PSTPIP1: variants seen among roughly 807,000 people sequenced by gnomAD.
PSTPIP1 encodes the protein proline-serine-threonine phosphatase interacting protein 1, also known as proline-serine-threonine phosphatase-interacting protein 1.
In PSTPIP1, 66 loss-of-function variants were observed where a neutral mutation model predicts 69.6. The observed-to-expected ratio is 0.95, with a 90% confidence interval of 0.78 to 1.16. The LOEUF is 1.16. Ranked by LOEUF, PSTPIP1 falls within the 50% of genes most tolerant of loss-of-function variation. The pLI, the probability that PSTPIP1 is intolerant of heterozygous loss-of-function variation, is 0.00. For missense variants in PSTPIP1, 603 were observed against 557.4 expected (o/e 1.08, Z -0.82); for synonymous variants, 266 against 222.7 (o/e 1.19, Z -1.73).
chr15:77,036,217 C>T (rs893602496), intron 14 of PSTPIP1, among the ~76,000 whole-genome samples: 2 of 152,140 alleles, frequency 1.3e-5, no homozygotes, highest in African/African-American at 4.8e-5. Flanking sequence ...TGTGTCTGCC[C>T]GGGCCTGTAC....
chr15:77,033,713 G>C (rs979400280), intron 12 of PSTPIP1, among the ~76,000 whole-genome samples: 4 of 152,128 alleles, frequency 2.6e-5, no homozygotes, highest in African/African-American at 9.7e-5. Context: ...GGCTGATGCA[G>C]TTCCCGGCCC....
Position 77,035,922 on chromosome 15 carries a change from A to G in PSTPIP1, c.1106A>G (p.Asp369Gly), listed in dbSNP as rs1291828257. Residue 369 changes from aspartate to glycine, a missense_variant, in exon 14 of 15, where the codon GAT becomes GGT. By Grantham distance (94) the Asp-to-Gly change is moderately conservative. Transcript: ENST00000558012. ...SPAQEYRALY[D>G]YTAQNPDELD... ...GCCCAGGAGTACCGGGCGCTCTACG[A>G]TTATACAGCGCAGGTGAGGCCTCTA... 8 of 1,605,264 alleles carry G rather than the reference A, an allele frequency of 5.0e-6. No homozygotes were observed. The East Asian group carries it at 1.8e-4, about 36-fold the overall frequency.
rs2076604545 is a variant in PSTPIP1, at chr15:77,037,261, G to A, written c.*85G>A. 4 of 1,499,182 alleles carry A rather than the reference G, an allele frequency of 2.7e-6. No homozygotes were observed. The highest frequency in any genetic ancestry group is 2.1e-5 in the Admixed American group (1 of 47,988). 92.9% of individuals were successfully genotyped at this position (1,499,182 alleles called of 1,614,324 possible). A position where few individuals can be genotyped will look rare whatever the true frequency, so the allele number is the denominator to read the frequency against. ...ACTGTCCCCACCTTGCTAGGGCCCA[G>A]AACCAAGCGTCCCCCAGCCCCGAGA... On this transcript the variant is annotated 3_prime_UTR_variant, in exon 15 of 15. Coordinates refer to ENST00000558012, the MANE Select transcript of PSTPIP1 (RefSeq NM_003978.5).
intron 12 of PSTPIP1, 77 bp from the exon 13 acceptor site, chr15:77,035,427 TCTCC>T: frequency 1.4e-6 from 2 of 1,424,414 alleles, no homozygotes; most frequent in Non-Finnish European, 1.9e-6. Context: ...CTCTGAGACC[TCTCC>T]CTGTCTAAAC....
intron 6 of PSTPIP1, chr15:77,028,241 C>T: frequency 2.0e-6 from 1 of 501,132 alleles, no homozygotes; most frequent in African/African-American, 2.0e-5. Context: ...GAGAGGGGCT[C>T]CTAAGAGGGC....
intron 1 of PSTPIP1, among the ~76,000 whole-genome samples, chr15:77,007,597 C>CTT (rs78797703): frequency 1.7e-4 from 24 of 141,264 alleles, no homozygotes; most frequent in Admixed American, 4.2e-4. Context: ...CAACAGAACA[C>CTT]TTTTTTTTTT....
At chr15:76,998,035 C>G (rs1441959829) in intron 1 of PSTPIP1, among the ~76,000 whole-genome samples, 2 of 152,206 alleles carry the variant, frequency 1.3e-5, no homozygotes, top group Non-Finnish European at 2.9e-5. Context: ...GTCAGGAGTT[C>G]AAGACCAGCC....
chr15:77,025,355 G>A, intron 4 of PSTPIP1, 37 bp downstream of exon 4: 1 of 1,593,590 alleles, frequency 6.3e-7, no homozygotes, highest in Non-Finnish European at 8.6e-7. Flanking sequence ...GATCTTTTGG[G>A]ACTGCGAGGC....
At chr15:77,002,640 A>G (rs558352326) in intron 1 of PSTPIP1, among the ~76,000 whole-genome samples, 1 of 152,270 alleles carries the variant, frequency 6.6e-6, no homozygotes, top group South Asian at 2.1e-4. Flanking sequence ...CAGGTGTTAG[A>G]AGATTGCAGA....
At chr15:77,020,233 G>A (rs1009306515) in intron 3 of PSTPIP1, among the ~76,000 whole-genome samples, 6 of 152,110 alleles carry the variant, frequency 3.9e-5, no homozygotes, top group South Asian at 2.1e-4. Flanking sequence ...GGCTCTGGGC[G>A]GCCCTGATTG....
chr15:77,035,797 C>G lies in PSTPIP1; in HGVS notation c.986-5C>G. 1 of 1,605,310 alleles carries G rather than the reference C, an allele frequency of 6.2e-7. No homozygotes were observed. Among genetic ancestry groups the G allele is most frequent in the Non-Finnish European group, 8.5e-7 (1 of 1,179,028 alleles). On this transcript the variant is annotated splice_polypyrimidine_tract_variant and splice_region_variant and intron_variant, in intron 13 of 14. Coordinates refer to ENST00000558012, the MANE Select transcript of PSTPIP1 (RefSeq NM_003978.5). ...GGAGGGGTCTATGTCTCACCCTGCT[C>G]TTAGCGTCCACAGAGACCCTGACCC...
At chr15:76,998,590 T>C (rs2075631509) in intron 1 of PSTPIP1, among the ~76,000 whole-genome samples, 1 of 152,188 alleles carries the variant, frequency 6.6e-6, no homozygotes, top group African/African-American at 2.4e-5. Context: ...TGATATACAG[T>C]TGGCGATGGA....
At chr15:76,997,762 G>T (rs1265799755) in intron 1 of PSTPIP1, among the ~76,000 whole-genome samples, 1 of 152,168 alleles carries the variant, frequency 6.6e-6, no homozygotes, top group African/African-American at 2.4e-5. Flanking sequence ...AAGGTGGCTA[G>T]AACAATATTC....
At chr15:76,998,765 T>C (rs2152662071) in intron 1 of PSTPIP1, among the ~76,000 whole-genome samples, 1 of 152,272 alleles carries the variant, frequency 6.6e-6, no homozygotes, top group Non-Finnish European at 1.5e-5. Flanking sequence ...AGTCGGCCTG[T>C]TTTTGCAATT....
intron 1 of PSTPIP1, among the ~76,000 whole-genome samples, chr15:77,000,338 C>T (rs2075671644): frequency 6.6e-6 from 1 of 151,942 alleles, no homozygotes; most frequent in African/African-American, 2.4e-5. Flanking sequence ...ACTGAGGGGC[C>T]CTACTCTGAT....
intron 11 of PSTPIP1, 35 bp from the exon 12 acceptor site, chr15:77,032,827 G>C (rs1188914030): frequency 6.5e-7 from 1 of 1,532,042 alleles, no homozygotes; most frequent in East Asian, 2.4e-5. Context: ...GGGGTGTTGG[G>C]GGCCGCCCTG....
chr15:77,001,359 CTTT>C (rs1177455152), intron 1 of PSTPIP1, among the ~76,000 whole-genome samples: 1 of 152,178 alleles, frequency 6.6e-6, no homozygotes, highest in Admixed American at 6.5e-5. Context: ...TGGGCAGGAG[CTTT>C]TTCACACAGG....
rs3812912 is a variant in PSTPIP1, at chr15:77,018,305, G to A, written c.137+57G>A. 53,901 of 1,544,152 alleles carry A rather than the reference G, an allele frequency of 0.035. 1,100 individuals carry two copies. Among genetic ancestry groups the A allele is most frequent in the East Asian group, 0.063 (2,571 of 40,962 alleles). ...GGCAGGAAGCAGGTGGCTTCCGCTC[G>A]GCTCCTGGGACAGTGGACGAGGCCC... On this transcript the variant is annotated intron_variant, in intron 2 of 14. Coordinates refer to ENST00000558012, the MANE Select transcript of PSTPIP1 (RefSeq NM_003978.5).
chr15:77,033,063 T>C, intron 12 of PSTPIP1, 111 bp downstream of exon 12: 1 of 1,099,458 alleles, frequency 9.1e-7, no homozygotes, highest in Non-Finnish European at 1.3e-6. Flanking sequence ...TATGTGTCTG[T>C]ATCTGGTGCC....
Sources: allele counts gnomAD v4.1 joint callset (sites outside exome capture counted in the v4.1 genomes callset), GRCh38; gene constraint gnomAD v4.1.1; transcripts MANE v1.5; gene names NCBI Gene and HGNC (gene_info 2026-07-23, HGNC 2026-07-21).